Variants in NCKAP5 observed in about 807,000 individuals in gnomAD.
NCKAP5 encodes the protein nck-associated protein 5.
In NCKAP5, 92 loss-of-function variants were observed where a neutral mutation model predicts 167.0. That is an observed-to-expected ratio of 0.55 (90% CI 0.47 to 0.66). The LOEUF is 0.66. NCKAP5 is among the 30% of genes least tolerant of loss of function. The pLI is 0.00. For missense variants in NCKAP5, 2,378 were observed against 2,315.0 expected (o/e 1.03, Z -0.56); for synonymous variants, 891 against 877.4 (o/e 1.02, Z -0.27).
intron 3 of NCKAP5, among the ~76,000 whole-genome samples, chr2:133,513,484 A>G (rs1210882275): frequency 6.6e-6 from 1 of 152,242 alleles, no homozygotes; most frequent in Non-Finnish European, 1.5e-5. Flanking sequence ...ATGATTGGCC[A>G]GGTAGAGAAG....
At chr2:133,386,500 G>T (rs1029811769) in intron 3 of NCKAP5, among the ~76,000 whole-genome samples, 1 of 152,172 alleles carries the variant, frequency 6.6e-6, no homozygotes, top group South Asian at 2.1e-4. Context: ...GGTGTGGTGT[G>T]GTGCTGAGAA....
At chr2:133,095,143 T>G (rs2081306372) in intron 6 of NCKAP5, among the ~76,000 whole-genome samples, 1 of 152,160 alleles carries the variant, frequency 6.6e-6, no homozygotes, top group African/African-American at 2.4e-5. Flanking sequence ...ACAGGTATTG[T>G]TTTAAGGTAA....
At chr2:132,899,232 C>A (rs2148902746) in intron 8 of NCKAP5, among the ~76,000 whole-genome samples, 1 of 152,338 alleles carries the variant, frequency 6.6e-6, no homozygotes, top group East Asian at 1.9e-4. Flanking sequence ...TCATGAACTA[C>A]CCTCTACTAG....
chr2:133,566,069 C>T lies in NCKAP5; in HGVS notation c.-130+2147G>A, dbSNP rs147700345. 2.7e-3 allele frequency among the ~76,000 whole-genome samples: 418 copies of T among 152,232 alleles called. 4 individuals carry two copies. Among genetic ancestry groups the T allele is most frequent in the Non-Finnish European group, 4.8e-3 (328 of 68,002 alleles). On this transcript the variant is annotated intron_variant, in intron 1 of 19. Transcript: ENST00000409261. ...GGACCAGGAGAGTCCAGGAAGGCCC[C>T]CCGCCCCTAGGTAGGAATGTCAGGG...
chr2:133,156,776 T>C (rs773860840), intron 5 of NCKAP5, among the ~76,000 whole-genome samples: 36 of 152,168 alleles, frequency 2.4e-4, no homozygotes, highest in Admixed American at 7.2e-4. Flanking sequence ...CTCTAATCCA[T>C]CTTATATCTT....
chr2:132,874,508 G>A (rs1691112482), intron 9 of NCKAP5, among the ~76,000 whole-genome samples: 1 of 152,156 alleles, frequency 6.6e-6, no homozygotes, highest in African/African-American at 2.4e-5. Context: ...GTAGCATGTG[G>A]ATCAGAGAGA....
chr2:132,887,489 G>C (rs1167288173), intron 8 of NCKAP5, among the ~76,000 whole-genome samples: 3 of 152,030 alleles, frequency 2.0e-5, no homozygotes, highest in Non-Finnish European at 4.4e-5. Flanking sequence ...TATCTATCTT[G>C]TTACCTCTTA....
the NCKAP5 span, among the ~76,000 whole-genome samples, chr2:133,601,785 A>G: frequency 6.6e-6 from 1 of 152,062 alleles, no homozygotes; most frequent in African/African-American, 2.4e-5. Flanking sequence ...CTTTTTAAAG[A>G]TTTTTTTCAG....
At chr2:133,405,562 G>A (rs1688372816) in intron 3 of NCKAP5, among the ~76,000 whole-genome samples, 1 of 152,224 alleles carries the variant, frequency 6.6e-6, no homozygotes, top group Non-Finnish European at 1.5e-5. Flanking sequence ...TGCATGGGGA[G>A]ACTTCAAATT....
Position 132,907,670 on chromosome 2 carries a change from T to C in NCKAP5, c.580-28754A>G, listed in dbSNP as rs144585108. ...TTAATGTAATCATTCTTTTTTCTTT[T>C]TTTTTGAGAAGGAGTCTCGCTGTGT... On this transcript the variant is annotated intron_variant, in intron 8 of 19. Coordinates refer to ENST00000409261, the MANE Select transcript of NCKAP5 (RefSeq NM_207363.3). Among the ~76,000 whole-genome samples the C allele has an allele frequency of 2.0e-4, 31 of 152,286 alleles. No homozygotes were observed. In the East Asian group the frequency reaches 5.6e-3, roughly 27 times the overall value.
At chr2:133,215,162 C>A (rs996255213) in intron 4 of NCKAP5, among the ~76,000 whole-genome samples, 1 of 152,104 alleles carries the variant, frequency 6.6e-6, no homozygotes, top group Non-Finnish European at 1.5e-5. Context: ...GAAGGAGCCA[C>A]AAAGGGATGG....
intron 6 of NCKAP5, among the ~76,000 whole-genome samples, chr2:133,029,229 A>G (rs190665770): frequency 6.6e-6 from 1 of 152,314 alleles, no homozygotes; most frequent in East Asian, 1.9e-4. Context: ...TTTTTACTAC[A>G]GCAATGAGGC....
intron 19 of NCKAP5, among the ~76,000 whole-genome samples, chr2:132,697,079 G>A (rs1226576145): frequency 1.3e-5 from 2 of 152,146 alleles, no homozygotes; most frequent in African/African-American, 2.4e-5. Flanking sequence ...GTAGAGAAGA[G>A]GTTTTGCCAC....
intron 16 of NCKAP5, among the ~76,000 whole-genome samples, chr2:132,756,210 G>C (rs1222438087): frequency 1.3e-5 from 2 of 152,150 alleles, no homozygotes; most frequent in Non-Finnish European, 2.9e-5. Context: ...TCTAAGTTCT[G>C]TCCAGAAATA....
intron 7 of NCKAP5, among the ~76,000 whole-genome samples, chr2:132,980,569 C>G (rs540023220): frequency 1.3e-4 from 20 of 152,136 alleles, no homozygotes; most frequent in Non-Finnish European, 2.6e-4. Context: ...CACTGTATGA[C>G]CTGAAAAAGT....
chr2:133,078,348 C>T (rs2080683386), intron 6 of NCKAP5, among the ~76,000 whole-genome samples: 1 of 152,166 alleles, frequency 6.6e-6, no homozygotes, highest in Non-Finnish European at 1.5e-5. Flanking sequence ...ACCAGTGTCT[C>T]AGTGCATCTG....
intron 4 of NCKAP5, among the ~76,000 whole-genome samples, chr2:133,252,953 T>C (rs943671538): frequency 6.6e-6 from 1 of 152,216 alleles, no homozygotes; most frequent in Admixed American, 6.5e-5. Context: ...GGTCTGCAGA[T>C]AGCAACTTGT....
intron 2 of NCKAP5, among the ~76,000 whole-genome samples, chr2:133,528,719 C>T (rs1158254377): frequency 1.3e-5 from 2 of 152,186 alleles, no homozygotes; most frequent in African/African-American, 4.8e-5. Flanking sequence ...CCCCATGATT[C>T]TCGTGTTACC....
At chr2:132,919,124 A>G (rs1158065425) in intron 8 of NCKAP5, among the ~76,000 whole-genome samples, 1 of 152,244 alleles carries the variant, frequency 6.6e-6, no homozygotes, top group Admixed American at 6.5e-5. Flanking sequence ...GGCAATTCAC[A>G]TAGCAAAGTG....
Sources: allele counts gnomAD v4.1 joint callset (sites outside exome capture counted in the v4.1 genomes callset), GRCh38; gene constraint gnomAD v4.1.1; transcripts MANE v1.5; gene names NCBI Gene and HGNC (gene_info 2026-07-23, HGNC 2026-07-21).